Variants in MSI2 observed in about 807,000 individuals in gnomAD.
The protein encoded by MSI2 is musashi RNA binding protein 2.
Under a neutral mutation model 45.6 loss-of-function variants are expected in MSI2, and 17 were observed. The ratio of observed to expected loss-of-function variants is 0.37; its 90% CI spans 0.26 to 0.56. The LOEUF (loss-of-function observed/expected upper bound fraction) is 0.56. Among genes scored for constraint, MSI2 ranks in the 20% least tolerant of loss-of-function variants. The pLI, the probability that MSI2 is intolerant of heterozygous loss-of-function variation, is 0.77. For synonymous variants in MSI2, 156 were observed against 158.2 expected (o/e 0.99, Z 0.11); for missense variants, 293 against 444.2 (o/e 0.66, Z 3.06).
At chr17:57,471,956 C>T (rs1310956861) in intron 6 of MSI2, among the ~76,000 whole-genome samples, 2 of 147,700 alleles carry the variant, frequency 1.4e-5, no homozygotes, top group Admixed American at 1.4e-4. Flanking sequence ...TCAGAGGCTT[C>T]CTGCCTGAGG....
At chr17:57,657,943 T>C (rs1195038433) in intron 11 of MSI2, among the ~76,000 whole-genome samples, 1 of 152,244 alleles carries the variant, frequency 6.6e-6, no homozygotes, top group Non-Finnish European at 1.5e-5. Flanking sequence ...GGTCCTGTCC[T>C]CTGAAAGTCC....
At chr17:57,587,187 T>C (rs1263392787) in intron 7 of MSI2, among the ~76,000 whole-genome samples, 1 of 152,076 alleles carries the variant, frequency 6.6e-6, no homozygotes, top group Non-Finnish European at 1.5e-5. Flanking sequence ...AGCCCCACCT[T>C]GATATATTGT....
intron 10 of MSI2, among the ~76,000 whole-genome samples, chr17:57,634,991 G>A (rs1452917579): frequency 6.6e-6 from 1 of 152,240 alleles, no homozygotes; most frequent in Non-Finnish European, 1.5e-5. Flanking sequence ...CAGCTGCCTG[G>A]AAACCTCAGA....
At position 57,257,513 on chromosome 17, in the gene MSI2, A is replaced by G. The variant is rs1252380637; in HGVS notation, c.151A>G (p.Met51Val). 6.3e-7 allele frequency: 1 copy of G among 1,598,210 alleles called. No homozygotes were observed. The highest frequency in any genetic ancestry group is 1.4e-5 in the African/African-American group (1 of 73,938). Residue 51 changes from methionine to valine, a missense_variant, in exon 3 of 14, where the codon ATG (methionine) becomes GTG (valine). By Grantham distance (21) the Met-to-Val change is conservative. Coordinates refer to ENST00000284073, the MANE Select transcript of MSI2 (RefSeq NM_138962.4). ...CAAATTTGGAGAAATTAGAGAATGT[A>G]TGGTCATGAGAGATCCCACTACGAA... Reference protein sequence around the residue: ...FSKFGEIRECMVMRDPTTKRS... With the variant: ...FSKFGEIRECVVMRDPTTKRS...
At chr17:57,614,343 A>G (rs4793880) in intron 8 of MSI2, among the ~76,000 whole-genome samples, 69,320 of 151,778 alleles carry the variant, frequency 0.46, 16,363 homozygotes, top group Non-Finnish European at 0.5. Flanking sequence ...GTGAGCCACC[A>G]CGTCCGGCCT....
At chr17:57,640,506 C>G (rs1598482982) in intron 10 of MSI2, among the ~76,000 whole-genome samples, 1 of 152,212 alleles carries the variant, frequency 6.6e-6, no homozygotes, top group East Asian at 1.9e-4. Flanking sequence ...TATTATTCCA[C>G]TTACCAAGCA....
chr17:57,333,080 A>G (rs1485320531), intron 5 of MSI2, among the ~76,000 whole-genome samples: 1 of 152,124 alleles, frequency 6.6e-6, no homozygotes, highest in African/African-American at 2.4e-5. Flanking sequence ...CAGGGCTCAA[A>G]TCCTGGCTGT....
At chr17:57,440,249 G>T (rs569408224) in intron 6 of MSI2, among the ~76,000 whole-genome samples, 1 of 152,168 alleles carries the variant, frequency 6.6e-6, no homozygotes, top group Admixed American at 6.5e-5. Flanking sequence ...GGGTCTGCCT[G>T]CTGAGAGCTT....
chr17:57,335,212 G>C (rs1914611857), intron 5 of MSI2, among the ~76,000 whole-genome samples: 1 of 145,918 alleles, frequency 6.9e-6, no homozygotes. Flanking sequence ...AGTATGAATT[G>C]TTAGCTTTTC....
chr17:57,328,220 A>G (rs928168663), intron 5 of MSI2, among the ~76,000 whole-genome samples: 1 of 151,810 alleles, frequency 6.6e-6, no homozygotes, highest in Non-Finnish European at 1.5e-5. Context: ...CCATCCATCC[A>G]TCCATCCATG....
rs913482667 is a variant in MSI2 at position 57,627,600 on chromosome 17, G to A, written c.727+297G>A. The A allele has an allele frequency of 1.1e-4, 51 of 455,034 alleles. No individual in the cohort carries two copies. Among genetic ancestry groups the A allele is most frequent in the Admixed American group, 7.6e-5 (2 of 26,366 alleles). The allele number at this position is 455,034 out of a possible 1,614,324, so 28.2% of individuals were successfully genotyped here. ...ACCTCCTTTTTCTGAAGCCTCTTCC[G>A]GGTTTTTTCTCACTGGGGACTGAAC... On this transcript the variant is annotated intron_variant, in intron 10 of 13. Transcript: ENST00000284073. The surrounding 1 kb of genome is among the most constrained non-coding windows in gnomAD (Gnocchi z 4.6).
chr17:57,405,655 A>G (rs1455352357), intron 6 of MSI2, among the ~76,000 whole-genome samples: 14 of 152,236 alleles, frequency 9.2e-5, no homozygotes, highest in Admixed American at 9.2e-4. Flanking sequence ...GCCACTATTT[A>G]TAAACTGGAA....
rs116237635 is a variant in MSI2 at position 57,599,501 on chromosome 17, C to T, written c.537+2551C>T. Among the ~76,000 whole-genome samples, 1,105 of 152,322 alleles carry T rather than the reference C, an allele frequency of 7.3e-3. 13 individuals carry two copies. The highest frequency in any genetic ancestry group is 0.025 in the African/African-American group (1,031 of 41,574). ...AGCCAGAGAGATTTGCAGCCATTTT[C>T]CTGTTTCATATTTATCGCCTTCTCT... On this transcript the variant is annotated intron_variant, in intron 8 of 13. Transcript: ENST00000284073.
At chr17:57,417,532 CT>C (rs1446749579) in intron 6 of MSI2, among the ~76,000 whole-genome samples, 9 of 152,164 alleles carry the variant, frequency 5.9e-5, no homozygotes, top group African/African-American at 2.2e-4. Context: ...GTTCAGTCTC[CT>C]CCCTGAGATC....
downstream of MSI2, among the ~76,000 whole-genome samples, chr17:57,689,549 T>C (rs1913943027): frequency 6.6e-6 from 1 of 152,114 alleles, no homozygotes; most frequent in African/African-American, 2.4e-5. Context: ...AGGTATGAAA[T>C]TACATATAAT....
chr17:57,526,363 G>GTC (rs879546123), intron 6 of MSI2, among the ~76,000 whole-genome samples: 599 of 57,200 alleles, frequency 0.01, 2 homozygotes, highest in Non-Finnish European at 0.016. Flanking sequence ...CTGGGTGTGT[G>GTC]TGTGTGTGTG....
At chr17:57,473,514 C>T (rs1567845012) in intron 6 of MSI2, among the ~76,000 whole-genome samples, 2 of 152,132 alleles carry the variant, frequency 1.3e-5, no homozygotes, top group African/African-American at 4.8e-5. Context: ...GCATTTCCGT[C>T]GGGGGGCCTC....
chr17:57,385,885 G>A (rs1178572751), intron 5 of MSI2, among the ~76,000 whole-genome samples: 6 of 152,300 alleles, frequency 3.9e-5, no homozygotes, highest in South Asian at 4.1e-4. Context: ...ATACCATGGT[G>A]TGTGTTAGGT....
chr17:57,294,281 T>C (rs921034744), intron 5 of MSI2, among the ~76,000 whole-genome samples: 4 of 152,186 alleles, frequency 2.6e-5, no homozygotes, highest in African/African-American at 7.2e-5. Flanking sequence ...TGCTCCAGTA[T>C]AGCACTTCAT....
Sources: gnomAD v4.1 joint callset for allele counts (sites outside exome capture counted in the v4.1 genomes callset) on GRCh38, gnomAD v4.1.1 for gene constraint, Gnocchi (gnomAD v3.1) non-coding constraint, MANE v1.5 for transcripts, NCBI Gene and HGNC (gene_info 2026-07-23, HGNC 2026-07-21) for gene names.